Variants in SPAG16 observed in about 807,000 individuals in gnomAD.
SPAG16 encodes sperm-associated antigen 16 protein.
Under a neutral mutation model 80.4 loss-of-function variants are expected in SPAG16, and 86 were observed. The ratio of observed to expected loss-of-function variants is 1.07; its 90% CI spans 0.90 to 1.28. The LOEUF is 1.28. SPAG16 is among the 50% of genes most tolerant of loss of function. The pLI, the probability that SPAG16 is intolerant of heterozygous loss-of-function variation, is 0.00. For synonymous variants in SPAG16, 294 were observed against 265.9 expected (o/e 1.11, Z -1.03); for missense variants, 870 against 765.3 (o/e 1.14, Z -1.61).
At chr2:213,485,007 T>G (rs1306018862) in intron 9 of SPAG16, among the ~76,000 whole-genome samples, 1 of 152,076 alleles carries the variant, frequency 6.6e-6, no homozygotes, top group Non-Finnish European at 1.5e-5. Context: ...TTCTTTTTTT[T>G]TTTTGAGACA....
At chr2:214,027,755 CATTA>C (rs547755703) in intron 13 of SPAG16, among the ~76,000 whole-genome samples, 2 of 151,808 alleles carry the variant, frequency 1.3e-5, no homozygotes, top group Non-Finnish European at 2.9e-5. Flanking sequence ...CTACCATTGA[CATTA>C]ATTTCTATAT....
At chr2:214,382,785 T>C (rs138530942) in intron 15 of SPAG16, among the ~76,000 whole-genome samples, 2 of 152,202 alleles carry the variant, frequency 1.3e-5, no homozygotes, top group Non-Finnish European at 2.9e-5. Context: ...GCTTTTTCTT[T>C]TGAGAGTGAT....
At chr2:213,592,700 A>T (rs933791126) in intron 10 of SPAG16, among the ~76,000 whole-genome samples, 4 of 152,162 alleles carry the variant, frequency 2.6e-5, no homozygotes, top group Admixed American at 6.6e-5. Flanking sequence ...TGTGCTCTCC[A>T]TGAAGGGAGG....
chr2:213,977,909 A>G (rs1206668997), intron 12 of SPAG16, among the ~76,000 whole-genome samples: 1 of 151,976 alleles, frequency 6.6e-6, no homozygotes, highest in Non-Finnish European at 1.5e-5. Flanking sequence ...TTTCTATATA[A>G]GCCTCTTCTC....
intron 8 of SPAG16, among the ~76,000 whole-genome samples, chr2:213,365,917 C>T (rs1217405518): frequency 2.5e-4 from 38 of 149,912 alleles, no homozygotes; most frequent in Admixed American, 5.3e-4. Flanking sequence ...CTGAGGCGGG[C>T]GGATCACGAG....
Position 213,780,178 on chromosome 2 carries a change from T to A in SPAG16, c.1071-82307T>A, listed in dbSNP as rs113894222. 2.0e-5 allele frequency among the ~76,000 whole-genome samples: 3 copies of A among 152,340 alleles called. 1 individual carries two copies. The highest frequency in any genetic ancestry group is 7.2e-5 in the African/African-American group (3 of 41,578). On this transcript the variant is annotated intron_variant, in intron 10 of 15. Transcript: ENST00000331683. ...CCAGCTCTGGGGTCTGGCCTCATCCTGCACTCCACCCTCCCAACCTTTTAG... is the reference window on the plus strand; with the variant it reads ...CCAGCTCTGGGGTCTGGCCTCATCCAGCACTCCACCCTCCCAACCTTTTAG...
chr2:213,971,538 A>G (rs2045055718), intron 12 of SPAG16, among the ~76,000 whole-genome samples: 1 of 152,144 alleles, frequency 6.6e-6, no homozygotes, highest in Admixed American at 6.5e-5. Flanking sequence ...TTAAACGTAG[A>G]GTTTTCAGTG....
At chr2:213,481,965 A>C (rs1271840325) in intron 9 of SPAG16, among the ~76,000 whole-genome samples, 1 of 152,244 alleles carries the variant, frequency 6.6e-6, no homozygotes, top group Non-Finnish European at 1.5e-5. Context: ...TGGGAATTAC[A>C]GACAGTAATA....
intron 9 of SPAG16, among the ~76,000 whole-genome samples, chr2:213,402,372 T>G (rs1487935253): frequency 6.6e-6 from 1 of 152,088 alleles, no homozygotes; most frequent in African/African-American, 2.4e-5. Context: ...TTACATTGTT[T>G]ATATTCTTAT....
rs566719018 is a variant in SPAG16, at chr2:213,911,862, G to A, written c.1215-18098G>A. On this transcript the variant is annotated intron_variant, in intron 11 of 15. Transcript: ENST00000331683. ...AAAAAAAAAAAAAAAATACACACAC[G>A]CACACATATATGTATGATAAGAAGT... is the stretch of plus-strand genomic sequence containing the variant. Among the ~76,000 whole-genome samples the A allele has an allele frequency of 9.2e-4, 135 of 147,404 alleles. 1 individual carries two copies. The highest frequency in any genetic ancestry group is 5.1e-3 in the South Asian group (24 of 4,666).
At chr2:213,840,005 C>T (rs911452925) in intron 10 of SPAG16, among the ~76,000 whole-genome samples, 1 of 152,128 alleles carries the variant, frequency 6.6e-6, no homozygotes, top group Non-Finnish European at 1.5e-5. Context: ...ATGTGCTCAG[C>T]AAGCTTTCAG....
intron 9 of SPAG16, among the ~76,000 whole-genome samples, chr2:213,416,754 C>CA (rs1202909931): frequency 1.3e-5 from 2 of 152,030 alleles, no homozygotes; most frequent in Non-Finnish European, 2.9e-5. Flanking sequence ...CAAGAGGAGA[C>CA]AGAAGAGAGG....
intron 9 of SPAG16, among the ~76,000 whole-genome samples, chr2:213,400,956 C>T (rs1469026250): frequency 1.3e-5 from 2 of 152,022 alleles, no homozygotes; most frequent in Non-Finnish European, 2.9e-5. Context: ...TACAGGCCTG[C>T]ACCACCACAC....
intron 10 of SPAG16, among the ~76,000 whole-genome samples, chr2:213,686,674 CTTTTTTTTTTTTTTTT>C (rs748200040): frequency 2.3e-5 from 2 of 86,104 alleles, no homozygotes; most frequent in African/African-American, 8.0e-5. Context: ...ATTAATCCAC[CTTTTTTTTTTTTTTTT>C]TTTTTTTTTT....
chr2:213,934,197 G>A (rs1390816389), intron 12 of SPAG16, among the ~76,000 whole-genome samples: 4 of 152,202 alleles, frequency 2.6e-5, no homozygotes, highest in African/African-American at 9.6e-5. Context: ...CATGATGCCT[G>A]CCTAGTTTTT....
intron 15 of SPAG16, among the ~76,000 whole-genome samples, chr2:214,259,544 TC>T (rs1690976355): frequency 9.9e-6 from 1 of 101,114 alleles, no homozygotes; most frequent in Admixed American, 1.3e-4. Flanking sequence ...CCCTCACCCC[TC>T]CCCCACACAC....
chr2:213,560,973 C>A (rs1046984739), intron 10 of SPAG16, among the ~76,000 whole-genome samples: 1 of 152,226 alleles, frequency 6.6e-6, no homozygotes. Context: ...AAGAGAATCT[C>A]CTGTCTCAGC....
chr2:213,643,628 A>G (rs2062707745), intron 10 of SPAG16, among the ~76,000 whole-genome samples: 1 of 149,486 alleles, frequency 6.7e-6, no homozygotes, highest in East Asian at 2.0e-4. Flanking sequence ...CTTCCTCTTT[A>G]TGGCCAATAA....
At position 214,350,211 on chromosome 2, in the gene SPAG16, T is replaced by A. The variant is rs1698306602; in HGVS notation, c.1721-59929T>A. Among the ~76,000 whole-genome samples the A allele has an allele frequency of 5.3e-5, 8 of 152,366 alleles. No individual in the cohort carries two copies. The South Asian group carries it at 1.7e-3, about 32-fold the overall frequency. ...GTTTCTTACCTCTGAAACTTATATC[T>A]TCCAGCAAATATAGAAAAATGTCAA... On this transcript the variant is annotated intron_variant, in intron 15 of 15. Coordinates refer to ENST00000331683, the MANE Select transcript of SPAG16 (RefSeq NM_024532.5).
Sources: gnomAD v4.1 joint callset for allele counts (sites outside exome capture counted in the v4.1 genomes callset) on GRCh38, gnomAD v4.1.1 for gene constraint, MANE v1.5 for transcripts, NCBI Gene and HGNC (gene_info 2026-07-23, HGNC 2026-07-21) for gene names.